ZFAT: variants seen among roughly 807,000 people sequenced by gnomAD.
The protein encoded by ZFAT is zinc finger and AT-hook domain containing, also known as zinc finger protein ZFAT.
A neutral mutation model predicts 117.7 loss-of-function variants in ZFAT; 64 were observed. The ratio of observed to expected loss-of-function variants is 0.54; its 90% CI spans 0.44 to 0.67. The LOEUF is 0.67. Among genes scored for constraint, ZFAT ranks in the 30% least tolerant of loss-of-function variants. The probability of loss-of-function intolerance (pLI) is 0.00; values close to 1 mark genes in which losing one functional copy is unlikely to be tolerated. For synonymous variants in ZFAT, 679 were observed against 615.0 expected (o/e 1.10, Z -1.54); for missense variants, 1,433 against 1,584.5 (o/e 0.90, Z 1.62).
chr8:134,675,271 G>C (rs1013541986), intron 1 of ZFAT, among the ~76,000 whole-genome samples: 1 of 152,116 alleles, frequency 6.6e-6, no homozygotes, highest in Admixed American at 6.5e-5. Flanking sequence ...TGACCTGATG[G>C]AGCTGAAAAA....
intron 15 of ZFAT, among the ~76,000 whole-genome samples, chr8:134,479,950 CTTTTT>C (rs35032412): frequency 8.1e-6 from 1 of 123,326 alleles, no homozygotes; most frequent in Non-Finnish European, 1.7e-5. Context: ...TTCAACCACA[CTTTTT>C]TTTTTTTTTT....
At chr8:134,614,368 A>G (rs1263537084) in intron 3 of ZFAT, among the ~76,000 whole-genome samples, 4 of 152,058 alleles carry the variant, frequency 2.6e-5, no homozygotes, top group Admixed American at 1.3e-4. Context: ...TGCATTGCAC[A>G]ACGTCCTGAT....
At chr8:134,811,054 A>C in the ZFAT span, among the ~76,000 whole-genome samples, 2 of 152,212 alleles carry the variant, frequency 1.3e-5, no homozygotes, top group African/African-American at 2.4e-5. Flanking sequence ...AACAACCGTC[A>C]GTTAATTAAT....
intron 7 of ZFAT, among the ~76,000 whole-genome samples, chr8:134,595,258 A>T (rs1826842014): frequency 1.3e-5 from 2 of 152,214 alleles, no homozygotes; most frequent in South Asian, 4.1e-4. Context: ...AATGCTGACA[A>T]GTTCTATTTT....
chr8:134,520,846 G>T, intron 13 of ZFAT, 37 bp downstream of exon 13: 1 of 1,541,982 alleles, frequency 6.5e-7, no homozygotes, highest in South Asian at 1.1e-5. Context: ...TCTGTGTTTT[G>T]AAATGTCAAG....
the ZFAT span, among the ~76,000 whole-genome samples, chr8:134,748,396 ATT>A: frequency 3.3e-5 from 5 of 152,070 alleles, no homozygotes; most frequent in Non-Finnish European, 7.4e-5. Flanking sequence ...TTGAAACTTA[ATT>A]TTTTTCCTCA....
chr8:134,492,101 A>G (rs904794411), intron 15 of ZFAT, among the ~76,000 whole-genome samples: 3 of 151,494 alleles, frequency 2.0e-5, no homozygotes, highest in Non-Finnish European at 2.9e-5. Flanking sequence ...GGAGTGTTAT[A>G]AGGTAGTCAT....
intron 15 of ZFAT, among the ~76,000 whole-genome samples, chr8:134,483,373 G>A (rs759689720): frequency 5.9e-5 from 9 of 152,166 alleles, no homozygotes; most frequent in East Asian, 1.9e-4. Context: ...GTGGTTCAGA[G>A]ACCTCCTTCA....
At chr8:134,514,400 T>C (rs933450644) in intron 13 of ZFAT, among the ~76,000 whole-genome samples, 1 of 152,218 alleles carries the variant, frequency 6.6e-6, no homozygotes, top group Non-Finnish European at 1.5e-5. Context: ...CAGTATGTAC[T>C]AATACTTGAA....
At chr8:134,596,649 T>TA (rs1159173387) in intron 7 of ZFAT, among the ~76,000 whole-genome samples, 1 of 152,102 alleles carries the variant, frequency 6.6e-6, no homozygotes, top group African/African-American at 2.4e-5. Context: ...AAATTACCAC[T>TA]AAAAAAATGC....
intron 12 of ZFAT, among the ~76,000 whole-genome samples, chr8:134,522,152 G>A (rs963846009): frequency 1.4e-4 from 22 of 152,236 alleles, no homozygotes; most frequent in African/African-American, 5.1e-4. Flanking sequence ...AGTGGAGGCT[G>A]CTCATGCTCT....
chr8:134,631,381 G>T (rs1479753514), intron 3 of ZFAT, among the ~76,000 whole-genome samples: 2 of 152,160 alleles, frequency 1.3e-5, no homozygotes, highest in Non-Finnish European at 2.9e-5. Context: ...AATGAGAGTG[G>T]TCTTAAGGCA....
the ZFAT span, chr8:134,785,537 T>G: frequency 6.6e-6 from 1 of 151,568 alleles, no homozygotes; most frequent in Non-Finnish European, 1.5e-5. Flanking sequence ...AATCTACCAG[T>G]TTTTAAAAAT....
At chr8:134,708,282 A>G (rs1586977557) in intron 1 of ZFAT, among the ~76,000 whole-genome samples, 2 of 152,360 alleles carry the variant, frequency 1.3e-5, no homozygotes, top group Middle Eastern at 6.8e-3. Context: ...TGGTGAATAC[A>G]GTAATAACGT....
At chr8:134,700,353 C>T (rs1295584424) in intron 1 of ZFAT, among the ~76,000 whole-genome samples, 1 of 152,194 alleles carries the variant, frequency 6.6e-6, no homozygotes, top group Non-Finnish European at 1.5e-5. Flanking sequence ...CAGCAAGAAG[C>T]AAGGCCAAGG....
chr8:134,621,854 C>T (rs1473426663), intron 3 of ZFAT, among the ~76,000 whole-genome samples: 2 of 152,284 alleles, frequency 1.3e-5, no homozygotes, highest in East Asian at 3.9e-4. Flanking sequence ...ACGTGAAATA[C>T]GGCTTTAACA....
At chr8:134,627,129 G>A (rs1240549841) in intron 3 of ZFAT, among the ~76,000 whole-genome samples, 2 of 152,198 alleles carry the variant, frequency 1.3e-5, no homozygotes, top group South Asian at 2.1e-4. Context: ...AAGAGCAGGG[G>A]AGGGAAAGCC....
At chr8:134,520,786 T>C in intron 13 of ZFAT, 97 bp downstream of exon 13, 1 of 920,886 alleles carries the variant, frequency 1.1e-6, no homozygotes, top group South Asian at 1.6e-5. Context: ...AATCTAATGT[T>C]CTGAGGAATG....
chr8:134,664,223 G>A (rs1832089353), intron 1 of ZFAT, among the ~76,000 whole-genome samples: 1 of 151,844 alleles, frequency 6.6e-6, no homozygotes, highest in Non-Finnish European at 1.5e-5. Context: ...ACAGGACGGA[G>A]GGTCAGAGAG....
Sources: gnomAD v4.1 joint callset for allele counts (sites outside exome capture counted in the v4.1 genomes callset) on GRCh38, gnomAD v4.1.1 for gene constraint, MANE v1.5 for transcripts, NCBI Gene and HGNC (gene_info 2026-07-23, HGNC 2026-07-21) for gene names.